COL18A1: variants seen among roughly 807,000 people sequenced by gnomAD.
The protein encoded by COL18A1 is collagen alpha-1(XVIII) chain.
A neutral mutation model predicts 168.0 loss-of-function variants in COL18A1; 133 were observed. The observed-to-expected ratio is 0.79, with a 90% confidence interval of 0.69 to 0.91. The LOEUF (loss-of-function observed/expected upper bound fraction) is 0.91. Among genes scored for constraint, COL18A1 ranks in the 40% least tolerant of loss-of-function variants. COL18A1 has a pLI of 0.00. For synonymous variants in COL18A1, 949 were observed against 809.0 expected (o/e 1.17, Z -2.94); for missense variants, 2,126 against 1,925.4 (o/e 1.10, Z -1.95).
intron 40 of COL18A1, among the ~76,000 whole-genome samples, chr21:45,510,780 G>A (rs909604704): frequency 6.6e-6 from 1 of 152,156 alleles, no homozygotes; most frequent in Non-Finnish European, 1.5e-5. Flanking sequence ...ACCCAGGGCT[G>A]GGAGCAGGCG....
intron 24 of COL18A1, 102 bp from the exon 25 acceptor site, chr21:45,493,061 G>T: frequency 1.6e-6 from 2 of 1,222,812 alleles, no homozygotes; most frequent in Non-Finnish European, 2.4e-6. Flanking sequence ...GGCTGTCGAG[G>T]CAGGCATATT....
At chr21:45,487,352 A>G (rs769617517) in intron 16 of COL18A1, 95 bp from the exon 17 acceptor site, 10 of 1,439,708 alleles carry the variant, frequency 6.9e-6, no homozygotes, top group Admixed American at 1.7e-5. Flanking sequence ...GCCCCAAAGC[A>G]TGTCCCACCC....
At chr21:45,486,834 C>T (rs2036130672) in intron 15 of COL18A1, 27 bp from the exon 16 acceptor site, 7 of 1,527,174 alleles carry the variant, frequency 4.6e-6, no homozygotes, top group Non-Finnish European at 6.1e-6. Flanking sequence ...GGGCTGGGTC[C>T]TGACACGCTC....
rs2033770092 is a variant in COL18A1, at chr21:45,425,466, G to A, written c.106+19993G>A. The stretch of plus-strand genomic sequence containing the variant: ...GAGGTGGACCCCCTGCCTCACCCTC[G>A]GGTGGCCCAAGGCCTCTGAAAACCG... On this transcript the variant is annotated intron_variant, in intron 2 of 41. Coordinates refer to ENST00000651438, the MANE Select transcript of COL18A1 (RefSeq NM_001379500.1). The surrounding 1 kb of genome is among the most constrained non-coding windows in gnomAD (Gnocchi z 4.1). 1.3e-5 allele frequency among the ~76,000 whole-genome samples: 2 copies of A among 152,152 alleles called. No individual in the cohort carries two copies. The highest frequency in any genetic ancestry group is 2.1e-4 in the South Asian group (1 of 4,826).
In COL18A1 at chr21:45,423,132, C is replaced by T. The variant is rs988779992; in HGVS notation, c.106+17659C>T. 1.3e-5 allele frequency among the ~76,000 whole-genome samples: 2 copies of T among 152,090 alleles called. No homozygotes were observed. The highest frequency in any genetic ancestry group is 4.1e-4 in the South Asian group (2 of 4,830). ...CCCGGCCGAAGTGGTTTTAATGTCCCCACTTTTGACCACTTCTCCTTCTCC... is the reference window on the plus strand; with the variant it reads ...CCCGGCCGAAGTGGTTTTAATGTCCTCACTTTTGACCACTTCTCCTTCTCC... On this transcript the variant is annotated intron_variant, in intron 2 of 41. Coordinates refer to ENST00000651438, the MANE Select transcript of COL18A1 (RefSeq NM_001379500.1). This position sits in a 1 kb window ranked among gnomAD's most constrained non-coding sequence, Gnocchi z 4.0.
At chr21:45,431,666 G>A (rs1200768788) in intron 2 of COL18A1, among the ~76,000 whole-genome samples, 1 of 152,036 alleles carries the variant, frequency 6.6e-6, no homozygotes, top group Non-Finnish European at 1.5e-5. Context: ...GGAAAGTGGT[G>A]ATGTTCTGGA....
intron 2 of COL18A1, among the ~76,000 whole-genome samples, chr21:45,426,446 C>T (rs1602356913): frequency 6.6e-6 from 1 of 152,132 alleles, no homozygotes; most frequent in African/African-American, 2.4e-5. Context: ...TTCAGCGTGG[C>T]GAGGCTGCGC....
In COL18A1 at chr21:45,498,461, G is replaced by A. The variant is rs761773674; in HGVS notation, c.2683+800G>A. ...CTCGCCGCCAGGGTCCCCTCTCGCC[G>A]CCACGGTCCCCGCTCGCCGCCAGGG... On this transcript the variant is annotated intron_variant, in intron 32 of 41. Transcript: ENST00000651438. The surrounding 1 kb of genome is among the most constrained non-coding windows in gnomAD (Gnocchi z 4.5). The A allele has an allele frequency of 4.9e-5, 34 of 699,872 alleles. No homozygotes were observed. Among genetic ancestry groups the A allele is most frequent in the African/African-American group, 7.1e-5 (4 of 56,258 alleles). 43.4% of individuals were successfully genotyped at this position (699,872 alleles called of 1,614,324 possible).
chr21:45,462,253 T>C (rs78602469), intron 2 of COL18A1, among the ~76,000 whole-genome samples: 4,283 of 152,300 alleles, frequency 0.028, 212 homozygotes, highest in African/African-American at 0.097. Flanking sequence ...TCTTTGAGTT[T>C]ACCTTACTTG....
intron 29 of COL18A1, 144 bp downstream of exon 29, chr21:45,495,576 A>G: frequency 2.8e-6 from 2 of 703,854 alleles, no homozygotes; most frequent in South Asian, 3.1e-5. Context: ...TGGTCATGCC[A>G]TACCCATGCA....
chr21:45,429,659 G>A (rs930708143), intron 2 of COL18A1, among the ~76,000 whole-genome samples: 33 of 152,314 alleles, frequency 2.2e-4, no homozygotes, highest in African/African-American at 7.0e-4. Flanking sequence ...ATCCCAGGAC[G>A]GTGGAGCTGG....
intron 2 of COL18A1, among the ~76,000 whole-genome samples, chr21:45,438,558 C>G (rs1011197621): frequency 6.6e-6 from 1 of 152,228 alleles, no homozygotes; most frequent in African/African-American, 2.4e-5. Flanking sequence ...CTTCTCAGGG[C>G]TTTGGGCTAC....
rs2145924575 is a variant in COL18A1, at chr21:45,477,731, G to A, written c.1006-19G>A. 3.9e-6 allele frequency: 6 copies of A among 1,526,716 alleles called. No homozygotes were observed. The highest frequency in any genetic ancestry group is 4.4e-6 in the Non-Finnish European group (5 of 1,136,670). The allele number at this position is 1,526,716 out of a possible 1,614,324, so 94.6% of individuals were successfully genotyped here. On this transcript the variant is annotated intron_variant, in intron 7 of 41. Transcript: ENST00000651438. ...GGGGCCCCACCCCAGCCCGAGCCCTGTGTTCTGTTTATTCCCAGGGCGGCC... is the reference window on the plus strand; with the variant it reads ...GGGGCCCCACCCCAGCCCGAGCCCTATGTTCTGTTTATTCCCAGGGCGGCC...
intron 3 of COL18A1, among the ~76,000 whole-genome samples, chr21:45,472,234 T>G (rs2035459707): frequency 6.6e-6 from 1 of 151,812 alleles, no homozygotes; most frequent in East Asian, 1.9e-4. Context: ...TTTTTTTGTT[T>G]TTTTTTTGAG....
In COL18A1 at chr21:45,494,404, G is replaced by A. The variant is rs970276526; in HGVS notation, c.2353-141G>A. ...GGGGACGGCCCAGTGCACCCAAAGG[G>A]ACCACAGCGGCCCTTAGGGAGGCTA... On this transcript the variant is annotated intron_variant, in intron 26 of 41. Coordinates refer to ENST00000651438, the MANE Select transcript of COL18A1 (RefSeq NM_001379500.1). The A allele has an allele frequency of 4.1e-6, 5 of 1,225,520 alleles. No homozygotes were observed. In the African/African-American group the frequency reaches 4.5e-5, roughly 11 times the overall value. The allele number at this position is 1,225,520 out of a possible 1,614,324, so 75.9% of individuals were successfully genotyped here.
At chr21:45,410,768 G>A (rs917201005) in intron 2 of COL18A1, among the ~76,000 whole-genome samples, 37 of 152,320 alleles carry the variant, frequency 2.4e-4, no homozygotes, top group African/African-American at 8.7e-4. Context: ...GAGAGGCACT[G>A]TCTGTTTTGG....
chr21:45,453,276 T>C (rs961070279), intron 2 of COL18A1, among the ~76,000 whole-genome samples: 4 of 152,250 alleles, frequency 2.6e-5, no homozygotes, highest in African/African-American at 9.6e-5. Context: ...CGTACGCTTA[T>C]ATGTACATGT....
intron 2 of COL18A1, among the ~76,000 whole-genome samples, chr21:45,442,816 G>A (rs2034408702): frequency 7.0e-6 from 1 of 143,150 alleles, no homozygotes; most frequent in Non-Finnish European, 1.6e-5. Flanking sequence ...GGTGTGGGCG[G>A]AGGTCCTGGT....
Position 45,456,013 on chromosome 21 carries a change from C to G in COL18A1, c.107-12229C>G. ...CCCTCGCTGGGCCTTCCAGCACCCC[C>G]CAGGAGAATGGGACCACTCTCTGGC... On this transcript the variant is annotated intron_variant, in intron 2 of 41. Coordinates refer to ENST00000651438, the MANE Select transcript of COL18A1 (RefSeq NM_001379500.1). 1 of 1,612,586 alleles carries G rather than the reference C, an allele frequency of 6.2e-7. No individual in the cohort carries two copies. Among genetic ancestry groups the G allele is most frequent in the Non-Finnish European group, 8.5e-7 (1 of 1,179,666 alleles).
Sources: gnomAD v4.1 joint callset for allele counts (sites outside exome capture counted in the v4.1 genomes callset) on GRCh38, gnomAD v4.1.1 for gene constraint, Gnocchi (gnomAD v3.1) non-coding constraint, MANE v1.5 for transcripts, NCBI Gene and HGNC (gene_info 2026-07-23, HGNC 2026-07-21) for gene names.